ASCC1: variants seen among roughly 807,000 people sequenced by gnomAD.
ASCC1 encodes ASC-1 complex subunit P50.
In ASCC1, 35 loss-of-function variants were observed where a neutral mutation model predicts 46.6. The observed-to-expected ratio is 0.75, with a 90% CI of 0.57 to 0.99. ASCC1 has a LOEUF of 0.99. Among genes scored for constraint, ASCC1 ranks in the 50% least tolerant of loss-of-function variants. The pLI is 0.00. For missense variants in ASCC1, 376 were observed against 428.7 expected (o/e 0.88, Z 1.09); for synonymous variants, 143 against 146.6 (o/e 0.98, Z 0.18).
chr10:72,118,149 C>G (rs1443785348), intron 9 of ASCC1, among the ~76,000 whole-genome samples: 1 of 151,896 alleles, frequency 6.6e-6, no homozygotes, highest in African/African-American at 2.4e-5. Context: ...GGGCAGATCA[C>G]AAGGTCAGGA....
chr10:72,111,664 C>G (rs12264573), intron 9 of ASCC1, among the ~76,000 whole-genome samples: 1 of 151,224 alleles, frequency 6.6e-6, no homozygotes, highest in Non-Finnish European at 1.5e-5. Flanking sequence ...TTTTTGGAAA[C>G]GGAGTCTCTC....
chr10:72,143,444 C>G (rs981702245), intron 7 of ASCC1, among the ~76,000 whole-genome samples: 2 of 151,508 alleles, frequency 1.3e-5, no homozygotes, highest in African/African-American at 4.9e-5. Context: ...CTCAAGCAAC[C>G]CTCCAGTCTC....
At chr10:72,215,622 C>G (rs1036437238) in intron 1 of ASCC1, among the ~76,000 whole-genome samples, 4 of 152,118 alleles carry the variant, frequency 2.6e-5, no homozygotes, top group Admixed American at 2.6e-4. Context: ...AAAAAATGTT[C>G]CCCACAAAAA....
At chr10:72,172,430 A>G (rs968657217) in intron 5 of ASCC1, among the ~76,000 whole-genome samples, 55 of 149,512 alleles carry the variant, frequency 3.7e-4, no homozygotes, top group East Asian at 1.2e-3. Context: ...AAAAAAAAAA[A>G]AAAAAGAAAA....
chr10:72,119,008 T>C (rs1260910647), intron 9 of ASCC1, among the ~76,000 whole-genome samples: 2 of 152,026 alleles, frequency 1.3e-5, no homozygotes, highest in African/African-American at 2.4e-5. Context: ...CGGGGACAAA[T>C]TGCTGCCCCC....
intron 9 of ASCC1, among the ~76,000 whole-genome samples, chr10:72,114,318 A>G (rs918573121): frequency 1.3e-5 from 2 of 152,140 alleles, no homozygotes; most frequent in African/African-American, 4.8e-5. Context: ...TGAGTTGAGT[A>G]ACCTAATTTT....
At chr10:72,186,559 G>C (rs1457366262) in intron 5 of ASCC1, among the ~76,000 whole-genome samples, 1 of 152,144 alleles carries the variant, frequency 6.6e-6, no homozygotes, top group Non-Finnish European at 1.5e-5. Context: ...CACATAAATT[G>C]AGGTAATAAA....
chr10:72,097,052 A>C lies in ASCC1; in HGVS notation c.*282T>G, dbSNP rs1191021008. 2.1e-6 allele frequency: 1 copy of C among 482,042 alleles called. No individual in the cohort carries two copies. Among genetic ancestry groups the C allele is most frequent in the Non-Finnish European group, 4.1e-6 (1 of 245,254 alleles). 29.9% of individuals were successfully genotyped at this position (482,042 alleles called of 1,614,324 possible). ...AACTGTGCACTTAAAAATGGTGAAGACAGTATGTTTTATGAGTATTTTACG... is the reference window on the plus strand; with the variant it reads ...AACTGTGCACTTAAAAATGGTGAAGCCAGTATGTTTTATGAGTATTTTACG... On this transcript the variant is annotated 3_prime_UTR_variant, in exon 10 of 10. Coordinates refer to ENST00000672957, the MANE Select transcript of ASCC1 (RefSeq NM_001198800.3).
chr10:72,107,248 G>C (rs750394807), intron 9 of ASCC1, among the ~76,000 whole-genome samples: 1 of 150,508 alleles, frequency 6.6e-6, no homozygotes, highest in Non-Finnish European at 1.5e-5. Flanking sequence ...TCAGAATTAA[G>C]ATCACTTTAT....
intron 4 of ASCC1, among the ~76,000 whole-genome samples, chr10:72,198,886 G>C (rs577777274): frequency 6.6e-6 from 1 of 151,930 alleles, no homozygotes; most frequent in Non-Finnish European, 1.5e-5. Flanking sequence ...GTACAATCTC[G>C]GCTCACTGCA....
chr10:72,206,128 G>A (rs1857176156), intron 3 of ASCC1, among the ~76,000 whole-genome samples: 2 of 148,060 alleles, frequency 1.4e-5, no homozygotes. Flanking sequence ...AAAGAGGCCA[G>A]GCATGGTGGC....
intron 9 of ASCC1, among the ~76,000 whole-genome samples, chr10:72,127,679 TC>T (rs1554827510): frequency 6.7e-6 from 1 of 150,186 alleles, no homozygotes; most frequent in Non-Finnish European, 1.5e-5. Context: ...TTTTTTTTTT[TC>T]CTAAGTGTTT....
intron 5 of ASCC1, among the ~76,000 whole-genome samples, chr10:72,167,213 C>G (rs1287944069): frequency 6.6e-6 from 1 of 152,148 alleles, no homozygotes; most frequent in Non-Finnish European, 1.5e-5. Flanking sequence ...CACAAGTCCA[C>G]CAACTGGTGA....
At position 72,204,480 on chromosome 10, in the gene ASCC1, C is replaced by T. The variant is rs7922614; in HGVS notation, c.213-956G>A. The T allele has an allele frequency of 1.5e-3, 2,295 of 1,550,328 alleles. 29 individuals carry two copies. In the African/African-American group the frequency reaches 0.027, roughly 19 times the overall value. On this transcript the variant is annotated intron_variant, in intron 3 of 9. Transcript: ENST00000672957. The stretch of plus-strand genomic sequence containing the variant: ...AAAGTTATCTTCTGGAACCCACAGT[C>T]GTTTGATGTGTTCAAGTGAATGAGA...
chr10:72,138,596 CTTTCTTTTTTTT>C (rs1295663287), intron 7 of ASCC1, among the ~76,000 whole-genome samples: 1 of 133,298 alleles, frequency 7.5e-6, no homozygotes, highest in African/African-American at 2.9e-5. Context: ...TTCTTTCTTT[CTTTCTTTTTTTT>C]TTTTTTTTTT....
At chr10:72,109,004 A>C (rs1255609351) in intron 9 of ASCC1, among the ~76,000 whole-genome samples, 5 of 152,222 alleles carry the variant, frequency 3.3e-5, no homozygotes, top group Non-Finnish European at 7.3e-5. Flanking sequence ...ACTATCCTAG[A>C]GTCATCTCCA....
At position 72,133,161 on chromosome 10, in the gene ASCC1, C is replaced by A; in HGVS notation, c.767G>T (p.Arg256Leu). The change falls in exon 8 of 10, where the codon CGA (arginine) becomes CTA (leucine). Residue 256 changes from arginine to leucine, a missense_variant. Coordinates refer to ENST00000672957, the MANE Select transcript of ASCC1 (RefSeq NM_001198800.3). ...AGATGCCTGAAAACGTTCCAGCACT[C>A]GATCAACTAATTCTTGTAGCCTGGA... is the stretch of plus-strand genomic sequence containing the variant. ...GSNRLQELVD[R>L]VLERFQASGL... is the part of the protein sequence containing the mutation. 6.2e-7 allele frequency: 1 copy of A among 1,614,042 alleles called. No individual in the cohort carries two copies. Among genetic ancestry groups the A allele is most frequent in the Non-Finnish European group, 8.5e-7 (1 of 1,179,934 alleles).
At chr10:72,164,443 T>C (rs1850090536) in intron 5 of ASCC1, among the ~76,000 whole-genome samples, 1 of 152,238 alleles carries the variant, frequency 6.6e-6, no homozygotes, top group South Asian at 2.1e-4. Context: ...TCAAGGTTCA[T>C]CCAAGCTGTA....
intron 8 of ASCC1, among the ~76,000 whole-genome samples, chr10:72,132,682 T>C (rs1469086244): frequency 1.3e-5 from 2 of 151,906 alleles, no homozygotes; most frequent in African/African-American, 2.4e-5. Context: ...TGAGAAACAC[T>C]GATTTAACAT....
Sources: allele counts gnomAD v4.1 joint callset (sites outside exome capture counted in the v4.1 genomes callset), GRCh38; gene constraint gnomAD v4.1.1; transcripts MANE v1.5; gene names NCBI Gene and HGNC (gene_info 2026-07-23, HGNC 2026-07-21).